Variants in SGMS1 observed in about 807,000 individuals in gnomAD.
SGMS1 encodes the protein phosphatidylcholine:ceramide cholinephosphotransferase 1.
SGMS1 carries 13 observed loss-of-function variants against 46.2 expected under a neutral mutation model. The ratio of observed to expected loss-of-function variants is 0.28; its 90% CI spans 0.18 to 0.45. The LOEUF (loss-of-function observed/expected upper bound fraction) is 0.45, where lower values mean the gene tolerates loss of function less well. Ranked by LOEUF, SGMS1 falls within the 20% of genes least tolerant of loss-of-function variation. The pLI, the probability that SGMS1 is intolerant of heterozygous loss-of-function variation, is 1.00. For synonymous variants in SGMS1, 203 were observed against 187.8 expected, an observed-to-expected ratio of 1.08 and a Z score of -0.66; for missense variants, 324 against 519.9, an observed-to-expected ratio of 0.62 and a Z score of 3.66.
chr10:50,560,281 T>C (rs1838223267), intron 2 of SGMS1, among the ~76,000 whole-genome samples: 1 of 141,366 alleles, frequency 7.1e-6, no homozygotes. Context: ...TAATATACAG[T>C]ATATGTATTA....
chr10:50,332,974 C>T (rs1048496664), intron 7 of SGMS1, among the ~76,000 whole-genome samples: 1 of 152,144 alleles, frequency 6.6e-6, no homozygotes, highest in Non-Finnish European at 1.5e-5. Flanking sequence ...CTTGCTTTTG[C>T]CTGTCAATTT....
chr10:50,616,423 A>T lies in SGMS1; in HGVS notation c.-684+7284T>A, dbSNP rs527853469. ...AGTGTTGGGATTACAGGTGTGAACT[A>T]CCATACCCAGACAGTTTATGCTATT... On this transcript the variant is annotated intron_variant, in intron 1 of 10. Coordinates refer to ENST00000361781, the MANE Select transcript of SGMS1 (RefSeq NM_147156.4). 1.3e-3 allele frequency among the ~76,000 whole-genome samples: 205 copies of T among 152,338 alleles called. 2 individuals are homozygous for T. Among genetic ancestry groups the T allele is most frequent in the South Asian group, 4.6e-3 (22 of 4,826 alleles).
At chr10:50,497,218 T>G (rs376348870) in intron 3 of SGMS1, among the ~76,000 whole-genome samples, 37 of 152,332 alleles carry the variant, frequency 2.4e-4, no homozygotes, top group African/African-American at 8.9e-4. Flanking sequence ...TAATTCTCCT[T>G]TGATGACATT....
chr10:50,494,937 G>T (rs1358600856), intron 3 of SGMS1, among the ~76,000 whole-genome samples: 1 of 151,534 alleles, frequency 6.6e-6, no homozygotes, highest in East Asian at 1.9e-4. Context: ...TTGGGAGGCT[G>T]AGGCAGGAGA....
At chr10:50,308,666 A>G (rs1460717905) in intron 9 of SGMS1, among the ~76,000 whole-genome samples, 1 of 152,118 alleles carries the variant, frequency 6.6e-6, no homozygotes, top group Non-Finnish European at 1.5e-5. Flanking sequence ...AAAAGCATCC[A>G]GACGCCTGGG....
chr10:50,528,243 A>AAAAAAT (rs1193443751), intron 2 of SGMS1, among the ~76,000 whole-genome samples: 1 of 152,246 alleles, frequency 6.6e-6, no homozygotes, highest in Non-Finnish European at 1.5e-5. Flanking sequence ...TCAAAATGCT[A>AAAAAAT]GAGAATAAAA....
At chr10:50,591,202 C>G (rs1838537701) in intron 1 of SGMS1, among the ~76,000 whole-genome samples, 1 of 152,116 alleles carries the variant, frequency 6.6e-6, no homozygotes, top group African/African-American at 2.4e-5. Context: ...TTTATGGATC[C>G]CATTTTCCAG....
At chr10:50,526,155 G>C (rs1030215338) in intron 2 of SGMS1, among the ~76,000 whole-genome samples, 1 of 152,144 alleles carries the variant, frequency 6.6e-6, no homozygotes, top group African/African-American at 2.4e-5. Context: ...GAAGAAAAGA[G>C]GTTTAACTGA....
rs67951872 is a variant in SGMS1 at position 50,365,255 on chromosome 10, C to CAAAAAA, written c.-231-20916_-231-20911dup. On this transcript the variant is annotated intron_variant, in intron 6 of 10. Transcript: ENST00000361781. ...GCGACGGAGTGAGACTCCATCTCAC[C>CAAAAAA]AAAAAAAAAAAAAAAAAAAAAAAGC... Among the ~76,000 whole-genome samples the CAAAAAA allele has an allele frequency of 7.8e-3, 353 of 45,024 alleles. 26 individuals carry two copies. The highest frequency in any genetic ancestry group is 0.022 in the African/African-American group (294 of 13,426). The allele number at this position is 45,024 out of a possible 152,430, so 29.5% of individuals were successfully genotyped here.
chr10:50,484,595 A>G (rs1312668723), intron 3 of SGMS1, among the ~76,000 whole-genome samples: 1 of 152,196 alleles, frequency 6.6e-6, no homozygotes, highest in African/African-American at 2.4e-5. Context: ...AAATACAAAA[A>G]AAGAAACCTT....
At chr10:50,589,834 C>T (rs578209870) in intron 2 of SGMS1, among the ~76,000 whole-genome samples, 5 of 152,196 alleles carry the variant, frequency 3.3e-5, no homozygotes, top group African/African-American at 4.8e-5. Flanking sequence ...CTCAGTTACA[C>T]ACTTCAGTAC....
At chr10:50,587,320 G>A (rs576903780) in intron 2 of SGMS1, among the ~76,000 whole-genome samples, 13 of 152,302 alleles carry the variant, frequency 8.5e-5, no homozygotes, top group African/African-American at 2.4e-4. Flanking sequence ...GGAAATATGA[G>A]GTATGCTGTG....
chr10:50,554,800 A>C (rs998516111), intron 2 of SGMS1, among the ~76,000 whole-genome samples: 5 of 152,232 alleles, frequency 3.3e-5, no homozygotes, highest in Non-Finnish European at 5.9e-5. Flanking sequence ...TTACATCACT[A>C]TGTATTCTTT....
At chr10:50,415,296 T>A (rs115303883) in intron 6 of SGMS1, among the ~76,000 whole-genome samples, 2,522 of 152,358 alleles carry the variant, frequency 0.017, 67 homozygotes, top group African/African-American at 0.057. Flanking sequence ...TAAGTGATTC[T>A]GACCAATCTT....
intron 3 of SGMS1, among the ~76,000 whole-genome samples, chr10:50,468,201 C>G (rs573590313): frequency 2.4e-4 from 37 of 152,270 alleles, no homozygotes; most frequent in African/African-American, 8.7e-4. Context: ...TACTGAGTCT[C>G]AAATCACCAA....
At chr10:50,523,920 C>A (rs189263279) in intron 2 of SGMS1, among the ~76,000 whole-genome samples, 1 of 152,242 alleles carries the variant, frequency 6.6e-6, no homozygotes, top group African/African-American at 2.4e-5. Context: ...CACACACACA[C>A]GCAGCATTCC....
intron 2 of SGMS1, among the ~76,000 whole-genome samples, chr10:50,520,822 A>G (rs1837851214): frequency 6.6e-6 from 1 of 152,216 alleles, no homozygotes; most frequent in African/African-American, 2.4e-5. Context: ...GGTAGTTAAG[A>G]AACACCTTAT....
chr10:50,452,958 T>A (rs1021240960), intron 5 of SGMS1, among the ~76,000 whole-genome samples: 2 of 152,246 alleles, frequency 1.3e-5, no homozygotes, highest in East Asian at 3.9e-4. Context: ...GTAAAGAGTG[T>A]CCAGATTGAT....
chr10:50,398,541 A>G (rs1166445171), intron 6 of SGMS1, among the ~76,000 whole-genome samples: 2 of 152,220 alleles, frequency 1.3e-5, no homozygotes, highest in African/African-American at 4.8e-5. Context: ...ATGTGATGTC[A>G]TAAGTGAGAA....
Sources: gnomAD v4.1 joint callset for allele counts (sites outside exome capture counted in the v4.1 genomes callset) on GRCh38, gnomAD v4.1.1 for gene constraint, MANE v1.5 for transcripts, NCBI Gene and HGNC (gene_info 2026-07-23, HGNC 2026-07-21) for gene names.